The following SEMA3A variants were observed in gnomAD, a reference collection of about 807,000 sequenced individuals.
SEMA3A encodes the protein semaphorin 3A.
SEMA3A carries 29 observed loss-of-function variants against 97.9 expected under a neutral mutation model. The ratio of observed to expected loss-of-function variants is 0.30; its 90% CI spans 0.22 to 0.40. SEMA3A has a LOEUF of 0.40. SEMA3A is among the 10% of genes least tolerant of loss of function. The probability of loss-of-function intolerance (pLI) is 1.00; values close to 1 mark genes in which losing one functional copy is unlikely to be tolerated. For missense variants in SEMA3A, 763 were observed against 951.3 expected, an observed-to-expected ratio of 0.80 and a Z score of 2.60; for synonymous variants, 321 against 323.7, an observed-to-expected ratio of 0.99 and a Z score of 0.09.
intron 10 of SEMA3A, among the ~76,000 whole-genome samples, chr7:84,006,620 C>A (rs942808346): frequency 6.6e-5 from 10 of 152,104 alleles, no homozygotes; most frequent in Non-Finnish European, 2.9e-5. Context: ...GCAGTGCAAG[C>A]ATTTATAGAG....
At chr7:84,114,819 C>G (rs1329603324) in intron 3 of SEMA3A, among the ~76,000 whole-genome samples, 1 of 151,902 alleles carries the variant, frequency 6.6e-6, no homozygotes, top group Non-Finnish European at 1.5e-5. Flanking sequence ...ATCCGATCAT[C>G]CATAATTGTG....
intron 3 of SEMA3A, among the ~76,000 whole-genome samples, chr7:84,219,573 A>T (rs34034034): frequency 0.065 from 9,906 of 152,250 alleles, 427 homozygotes; most frequent in African/African-American, 0.12. Flanking sequence ...CACATATAAA[A>T]GTGATGTGTC....
chr7:84,007,505 A>G lies in SEMA3A; in HGVS notation c.996-8T>C. On this transcript the variant is annotated splice_polypyrimidine_tract_variant and splice_region_variant and intron_variant, in intron 9 of 16. Transcript: ENST00000265362. ...GATCCCTTGAAAATGTTACTGAACA[A>G]GACAGCAAGAATAAAAACAGAAGTT... 6.5e-7 allele frequency: 1 copy of G among 1,526,806 alleles called. No homozygotes were observed. 94.6% of individuals were successfully genotyped at this position (1,526,806 alleles called of 1,614,324 possible).
chr7:84,034,853 AT>A (rs1204263306), intron 6 of SEMA3A, among the ~76,000 whole-genome samples: 1 of 152,088 alleles, frequency 6.6e-6, no homozygotes, highest in African/African-American at 2.4e-5. Context: ...ATCAAGACTA[AT>A]AAAGGTTTTT....
At chr7:84,322,009 TATC>T (rs775023530) in intron 2 of SEMA3A, among the ~76,000 whole-genome samples, 2 of 150,772 alleles carry the variant, frequency 1.3e-5, no homozygotes, top group Admixed American at 1.3e-4. Context: ...TCGGAAAACT[TATC>T]ATGGTGGAAA....
intron 3 of SEMA3A, among the ~76,000 whole-genome samples, chr7:84,117,566 G>C (rs1336589658): frequency 1.3e-5 from 2 of 152,190 alleles, no homozygotes; most frequent in African/African-American, 4.8e-5. Context: ...TGCTGCATTA[G>C]ATTCTCGTAG....
chr7:84,205,054 C>A (rs867687939), intron 3 of SEMA3A, among the ~76,000 whole-genome samples: 6 of 152,122 alleles, frequency 3.9e-5, no homozygotes, highest in South Asian at 4.1e-4. Flanking sequence ...TTTTAATAAC[C>A]TAAGTCACAA....
intron 6 of SEMA3A, among the ~76,000 whole-genome samples, chr7:84,025,151 CAAGTTGGTAGCTGAT>C (rs1311445659): frequency 7.9e-5 from 12 of 152,108 alleles, no homozygotes; most frequent in African/African-American, 2.9e-4. Context: ...CCAGTGGAAG[CAAGTTGGTAGCTGAT>C]AAGGATTCTA....
intron 6 of SEMA3A, among the ~76,000 whole-genome samples, chr7:84,039,670 C>T (rs947560554): frequency 2.0e-5 from 3 of 151,990 alleles, no homozygotes; most frequent in African/African-American, 7.2e-5. Context: ...GATTTTTGAA[C>T]AGGAGAGTAT....
rs192439165 is a variant in SEMA3A at position 83,960,940 on chromosome 7, C to G, written c.*431G>C. 628 of 178,338 alleles carry G rather than the reference C, an allele frequency of 3.5e-3. 3 individuals carry two copies. The highest frequency in any genetic ancestry group is 6.7e-3 in the Admixed American group (124 of 18,590). The allele number at this position is 178,338 out of a possible 1,614,324, so 11.0% of individuals were successfully genotyped here. On this transcript the variant is annotated 3_prime_UTR_variant, in exon 17 of 17. Transcript: ENST00000265362. Reference sequence around the variant, plus strand: ...GGTAGACAAAATATATCCTTGAATCCAACCACGTTTTGGAATATTCATCAG... The same window carrying G: ...GGTAGACAAAATATATCCTTGAATCGAACCACGTTTTGGAATATTCATCAG...
intron 3 of SEMA3A, among the ~76,000 whole-genome samples, chr7:84,288,066 T>C (rs888035903): frequency 6.6e-6 from 1 of 152,126 alleles, no homozygotes; most frequent in Admixed American, 6.6e-5. Context: ...CTTCCATCTT[T>C]ATTGCTTAAA....
Position 84,273,342 on chromosome 7 carries a change from A to G in SEMA3A, c.-83+33865T>C, listed in dbSNP as rs75487442. 5.3e-5 allele frequency among the ~76,000 whole-genome samples: 8 copies of G among 152,254 alleles called. No individual in the cohort carries two copies. The East Asian group carries it at 1.5e-3, about 29-fold the overall frequency. ...GTTTTCTGTGGGACACTAGTCTCCT[A>G]GAATATTAATAGATTGTATTCAAAC... On this transcript the variant is annotated intron_variant, in intron 3 of 3. Transcript: ENST00000424555.
intron 3 of SEMA3A, among the ~76,000 whole-genome samples, chr7:84,249,934 T>G (rs1562871506): frequency 1.3e-5 from 2 of 150,736 alleles, no homozygotes; most frequent in African/African-American, 4.8e-5. Context: ...GCATCCTGTT[T>G]TTTTTTTTTT....
At position 84,098,485 on chromosome 7, in the gene SEMA3A, C is replaced by G. The variant is rs141865477; in HGVS notation, c.453+11985G>C. 2.5e-4 allele frequency among the ~76,000 whole-genome samples: 38 copies of G among 152,040 alleles called. No individual in the cohort carries two copies. In the East Asian group the frequency reaches 7.0e-3, roughly 28 times the overall value. Reference sequence around the variant, plus strand: ...GAGAGAATTAGTAGTAACAGAATAACTGTTTTGTGGGGTATTCTAGCACTA... The same window carrying G: ...GAGAGAATTAGTAGTAACAGAATAAGTGTTTTGTGGGGTATTCTAGCACTA... On this transcript the variant is annotated intron_variant, in intron 4 of 16. Transcript: ENST00000265362.
At chr7:84,354,596 G>A (rs1304867552) in intron 2 of SEMA3A, among the ~76,000 whole-genome samples, 1 of 151,576 alleles carries the variant, frequency 6.6e-6, no homozygotes, top group African/African-American at 2.4e-5. Flanking sequence ...TGCACAATGG[G>A]TTTTATTCTG....
At chr7:84,143,693 T>A (rs1325218291) in intron 1 of SEMA3A, among the ~76,000 whole-genome samples, 6 of 150,884 alleles carry the variant, frequency 4.0e-5, no homozygotes, top group African/African-American at 1.5e-4. Context: ...CCATCTCTAC[T>A]TAAAAAAAAA....
chr7:84,144,701 T>A (rs1442726863), intron 1 of SEMA3A, among the ~76,000 whole-genome samples: 1 of 152,172 alleles, frequency 6.6e-6, no homozygotes, highest in Non-Finnish European at 1.5e-5. Context: ...CAGCAATTTG[T>A]CTTTCAAATG....
intron 1 of SEMA3A, among the ~76,000 whole-genome samples, chr7:84,145,992 T>C (rs1301173132): frequency 6.6e-6 from 1 of 152,178 alleles, no homozygotes; most frequent in Non-Finnish European, 1.5e-5. Context: ...AAACCCGGCT[T>C]GCTGCCTCCT....
At chr7:84,061,118 G>C (rs1793199764) in intron 4 of SEMA3A, among the ~76,000 whole-genome samples, 1 of 152,240 alleles carries the variant, frequency 6.6e-6, no homozygotes, top group Non-Finnish European at 1.5e-5. Context: ...TACAGCAGCA[G>C]GTGAAGTGCC....
Sources: gnomAD v4.1 joint callset for allele counts (sites outside exome capture counted in the v4.1 genomes callset) on GRCh38, gnomAD v4.1.1 for gene constraint, MANE v1.5 for transcripts, NCBI Gene and HGNC (gene_info 2026-07-23, HGNC 2026-07-21) for gene names.